The following UBE2E2 variants were observed in gnomAD, a reference collection of about 807,000 sequenced individuals.
The protein encoded by UBE2E2 is ubiquitin conjugating enzyme E2 E2.
UBE2E2 carries 6 observed loss-of-function variants against 24.7 expected under a neutral mutation model. The observed-to-expected ratio is 0.24, with a 90% CI of 0.13 to 0.48. The LOEUF (loss-of-function observed/expected upper bound fraction) is 0.48. Among genes scored for constraint, UBE2E2 ranks in the 20% least tolerant of loss-of-function variants. UBE2E2 has a pLI of 0.99. For missense variants in UBE2E2, 169 were observed against 245.0 expected (o/e 0.69, Z 2.07); for synonymous variants, 104 against 83.6 (o/e 1.24, Z -1.33).
chr3:23,347,167 C>G (rs915288109), intron 3 of UBE2E2, among the ~76,000 whole-genome samples: 4 of 152,166 alleles, frequency 2.6e-5, no homozygotes, highest in Non-Finnish European at 5.9e-5. Flanking sequence ...GGATCTAGAA[C>G]TAGAAATACA....
chr3:23,342,550 A>G (rs1695424620), intron 3 of UBE2E2, among the ~76,000 whole-genome samples: 1 of 152,186 alleles, frequency 6.6e-6, no homozygotes, highest in Non-Finnish European at 1.5e-5. Flanking sequence ...CTACATTTTC[A>G]CACTACATAA....
intron 5 of UBE2E2, among the ~76,000 whole-genome samples, chr3:23,560,858 C>T (rs1031910781): frequency 6.6e-6 from 1 of 152,048 alleles, no homozygotes; most frequent in Non-Finnish European, 1.5e-5. Flanking sequence ...TGGCTGCATA[C>T]ATGTCTTCTT....
chr3:23,302,871 A>G (rs1699136640), intron 3 of UBE2E2, among the ~76,000 whole-genome samples: 1 of 152,218 alleles, frequency 6.6e-6, no homozygotes, highest in South Asian at 2.1e-4. Context: ...GTTCTAGAGT[A>G]GTAACTAACA....
At chr3:23,473,704 G>C (rs1394205776) in intron 3 of UBE2E2, among the ~76,000 whole-genome samples, 1 of 152,028 alleles carries the variant, frequency 6.6e-6, no homozygotes. Context: ...CCATTCCTGA[G>C]TTACTTCACT....
rs1175894179 is a variant in UBE2E2, at chr3:23,571,276, C to A, written c.509-18458C>A. On this transcript the variant is annotated intron_variant, in intron 5 of 5. Coordinates refer to ENST00000396703, the MANE Select transcript of UBE2E2 (RefSeq NM_152653.4). ...TCAGAGTCCCCTCACCTGTGTGCTC[C>A]TTTCTTTTTTTTTTTTTTTTTTTTT... Among the ~76,000 whole-genome samples, 37 of 24,694 alleles carry A rather than the reference C, an allele frequency of 1.5e-3. 1 individual carries two copies. Among genetic ancestry groups the A allele is most frequent in the African/African-American group, 4.5e-3 (35 of 7,812 alleles). 16.2% of individuals were successfully genotyped at this position (24,694 alleles called of 152,430 possible). A position where few individuals can be genotyped will look rare whatever the true frequency, so the allele number is the denominator to read the frequency against.
intron 4 of UBE2E2, among the ~76,000 whole-genome samples, chr3:23,520,250 A>G (rs1242107073): frequency 5.9e-5 from 9 of 152,104 alleles, no homozygotes; most frequent in African/African-American, 2.2e-4. Context: ...CTCTCAACCT[A>G]TGTCTGTTTC....
At chr3:23,339,346 A>G (rs1355441172) in intron 3 of UBE2E2, among the ~76,000 whole-genome samples, 6 of 152,176 alleles carry the variant, frequency 3.9e-5, no homozygotes, top group Non-Finnish European at 5.9e-5. Flanking sequence ...ACACTGGACT[A>G]GAAGGAAGAT....
chr3:23,543,770 A>T (rs866182545), intron 5 of UBE2E2, among the ~76,000 whole-genome samples: 2 of 152,202 alleles, frequency 1.3e-5, no homozygotes, highest in African/African-American at 4.8e-5. Flanking sequence ...AAGCAATCCT[A>T]AGCAAAAAGA....
chr3:23,304,888 C>A (rs1170865214), intron 3 of UBE2E2, among the ~76,000 whole-genome samples: 3 of 150,986 alleles, frequency 2.0e-5, no homozygotes, highest in Non-Finnish European at 4.4e-5. Flanking sequence ...TTTTTTTTTC[C>A]TTGCACTTTG....
At chr3:23,460,467 G>A (rs1698783342) in intron 3 of UBE2E2, among the ~76,000 whole-genome samples, 1 of 152,122 alleles carries the variant, frequency 6.6e-6, no homozygotes, top group African/African-American at 2.4e-5. Flanking sequence ...TACATGCGAG[G>A]CTCTTAGCAT....
chr3:23,566,760 C>A (rs58157906), intron 5 of UBE2E2, among the ~76,000 whole-genome samples: 20,556 of 152,152 alleles, frequency 0.14, 1,463 homozygotes, highest in Middle Eastern at 0.2. Context: ...ACCCCAACAC[C>A]TGCCACTAGG....
intron 3 of UBE2E2, among the ~76,000 whole-genome samples, chr3:23,488,408 G>C (rs185245645): frequency 2.2e-4 from 34 of 152,084 alleles, no homozygotes; most frequent in Admixed American, 2.2e-3. Context: ...TCCCCTCCCT[G>C]TGTCCATGTG....
At chr3:23,310,300 CT>C (rs34141165) in intron 3 of UBE2E2, among the ~76,000 whole-genome samples, 38 of 144,078 alleles carry the variant, frequency 2.6e-4, no homozygotes, top group Admixed American at 4.9e-4. Flanking sequence ...AAAGGCATGC[CT>C]TTTTTTTTTT....
intron 3 of UBE2E2, among the ~76,000 whole-genome samples, chr3:23,412,403 G>C (rs1304114802): frequency 6.6e-6 from 1 of 151,710 alleles, no homozygotes. Context: ...ATTGGTTTCA[G>C]AGCACTTTCA....
At chr3:23,435,565 G>T (rs949908328) in intron 3 of UBE2E2, among the ~76,000 whole-genome samples, 1 of 152,218 alleles carries the variant, frequency 6.6e-6, no homozygotes, top group Admixed American at 6.5e-5. Context: ...TGTGCCTCAA[G>T]TGGGGTCACG....
chr3:23,550,051 A>G (rs929586108), intron 5 of UBE2E2, among the ~76,000 whole-genome samples: 8 of 151,424 alleles, frequency 5.3e-5, no homozygotes, highest in African/African-American at 1.9e-4. Flanking sequence ...AAAAAAAGCA[A>G]TTTCATTCTC....
intron 3 of UBE2E2, among the ~76,000 whole-genome samples, chr3:23,287,001 A>G (rs564659057): frequency 2.0e-5 from 3 of 151,976 alleles, no homozygotes; most frequent in Non-Finnish European, 4.4e-5. Context: ...TATCCTTTTT[A>G]TGTTCCAGAT....
intron 3 of UBE2E2, among the ~76,000 whole-genome samples, chr3:23,468,507 A>G (rs1230660195): frequency 1.3e-5 from 2 of 152,244 alleles, no homozygotes; most frequent in African/African-American, 2.4e-5. Context: ...TAGTTTAGGT[A>G]TAGTTATACT....
chr3:23,293,024 G>A (rs1468097481), intron 3 of UBE2E2, among the ~76,000 whole-genome samples: 1 of 152,184 alleles, frequency 6.6e-6, no homozygotes, highest in Non-Finnish European at 1.5e-5. Flanking sequence ...AGTGAGCCAA[G>A]ATTGCACCAT....
Sources: allele counts gnomAD v4.1 joint callset (sites outside exome capture counted in the v4.1 genomes callset), GRCh38; gene constraint gnomAD v4.1.1; transcripts MANE v1.5; gene names NCBI Gene and HGNC (gene_info 2026-07-23, HGNC 2026-07-21).